The following ARMC8 variants were observed in gnomAD, a reference collection of about 807,000 sequenced individuals.
The protein encoded by ARMC8 is armadillo repeat containing 8, also known as armadillo repeat-containing protein 8.
A neutral mutation model predicts 99.3 loss-of-function variants in ARMC8; 20 were observed. The observed-to-expected ratio is 0.20, with a 90% CI of 0.14 to 0.29. The LOEUF (loss-of-function observed/expected upper bound fraction) is 0.29, where lower values mean the gene tolerates loss of function less well. Among genes scored for constraint, ARMC8 ranks in the 10% least tolerant of loss-of-function variants. The pLI is 1.00. For missense variants in ARMC8, 569 were observed against 809.5 expected (o/e 0.70, Z 3.60); for synonymous variants, 263 against 278.3 (o/e 0.95, Z 0.55).
At chr3:138,208,968 C>G (rs2044545457) in intron 1 of ARMC8, among the ~76,000 whole-genome samples, 1 of 152,146 alleles carries the variant, frequency 6.6e-6, no homozygotes, top group Non-Finnish European at 1.5e-5. Context: ...CACTCTAATT[C>G]TTAATTGTTT....
chr3:138,197,373 C>T (rs1007264915), intron 1 of ARMC8, among the ~76,000 whole-genome samples: 2 of 152,166 alleles, frequency 1.3e-5, no homozygotes, highest in Non-Finnish European at 2.9e-5. Context: ...ATCAGGAAGG[C>T]GCCTGGCCTG....
chr3:138,226,432 G>A (rs1476929123), intron 5 of ARMC8, among the ~76,000 whole-genome samples: 1 of 152,068 alleles, frequency 6.6e-6, no homozygotes. Flanking sequence ...TGTTAAACAG[G>A]GTTTGCTAGA....
chr3:138,192,950 C>T (rs1003873556), intron 1 of ARMC8, among the ~76,000 whole-genome samples: 1 of 152,010 alleles, frequency 6.6e-6, no homozygotes, highest in Non-Finnish European at 1.5e-5. Context: ...GTTTTAAAAG[C>T]TCTTTATAGG....
chr3:138,282,346 G>T (rs1052739531), intron 18 of ARMC8, among the ~76,000 whole-genome samples: 4 of 152,046 alleles, frequency 2.6e-5, no homozygotes, highest in African/African-American at 9.7e-5. Flanking sequence ...TGGAGAGGGA[G>T]AGAGAAAAGA....
intron 21 of ARMC8, among the ~76,000 whole-genome samples, chr3:138,294,530 C>A (rs1299966719): frequency 2.6e-5 from 4 of 152,176 alleles, no homozygotes; most frequent in Admixed American, 1.3e-4. Context: ...TCTTTAGAGT[C>A]TTATATAATT....
At chr3:138,244,012 A>G (rs1444184681) in intron 11 of ARMC8, among the ~76,000 whole-genome samples, 7 of 152,204 alleles carry the variant, frequency 4.6e-5, no homozygotes, top group Non-Finnish European at 1.0e-4. Context: ...AGTCATTGAA[A>G]GTATCCTGAA....
At chr3:138,245,388 G>C (rs1201964222) in intron 12 of ARMC8, 2 of 1,399,530 alleles carry the variant, frequency 1.4e-6, no homozygotes, top group Non-Finnish European at 1.9e-6. Flanking sequence ...GCATGGCCGT[G>C]CTGGAATGAC....
intron 10 of ARMC8, among the ~76,000 whole-genome samples, 177 bp from the exon 11 acceptor site, chr3:138,241,606 A>G (rs1427336389): frequency 6.6e-6 from 1 of 152,226 alleles, no homozygotes; most frequent in Non-Finnish European, 1.5e-5. Context: ...ATTAATGTGT[A>G]CTGAATTTTG....
intron 12 of ARMC8, among the ~76,000 whole-genome samples, chr3:138,254,372 G>A (rs2047279195): frequency 6.6e-6 from 1 of 152,180 alleles, no homozygotes. Context: ...TGAAAATTTA[G>A]CCAGCTAACC....
At chr3:138,187,651 G>T in intron 1 of ARMC8, 52 bp downstream of exon 1, 1 of 1,525,706 alleles carries the variant, frequency 6.6e-7, no homozygotes, top group Non-Finnish European at 8.8e-7. Context: ...CCTCATCCCG[G>T]TCTCCACCAT....
At chr3:138,191,467 A>G (rs908487975) in intron 1 of ARMC8, among the ~76,000 whole-genome samples, 6 of 152,250 alleles carry the variant, frequency 3.9e-5, no homozygotes, top group Non-Finnish European at 7.3e-5. Context: ...CATAGGTTAC[A>G]TCTTATATAG....
chr3:138,200,904 C>CTTTTTTTTTTT (rs34087212), intron 1 of ARMC8, among the ~76,000 whole-genome samples: 1 of 63,350 alleles, frequency 1.6e-5, no homozygotes, highest in Non-Finnish European at 2.9e-5. Flanking sequence ...CTTCAGTGGG[C>CTTTTTTTTTTT]TTTTTTTTTT....
chr3:138,203,966 C>G (rs1245812578), intron 1 of ARMC8, among the ~76,000 whole-genome samples: 3 of 152,224 alleles, frequency 2.0e-5, no homozygotes, highest in African/African-American at 7.2e-5. Flanking sequence ...CCCCTTATTG[C>G]TCTCTGGCAG....
chr3:138,253,935 A>C (rs981628568), intron 12 of ARMC8, among the ~76,000 whole-genome samples: 2 of 152,208 alleles, frequency 1.3e-5, no homozygotes, highest in African/African-American at 4.8e-5. Flanking sequence ...ACCTATTATG[A>C]ATGAGTCTGG....
intron 9 of ARMC8, chr3:138,238,143 C>G (rs1251164402): frequency 2.0e-5 from 3 of 151,822 alleles, no homozygotes; most frequent in Non-Finnish European, 4.4e-5. Flanking sequence ...TCTCGGCTCA[C>G]TGCAACCTCC....
In ARMC8 at chr3:138,298,079, G is replaced by A. The variant is rs931068143; in HGVS notation, c.*2187G>A. ...AGGGAAATGTATTTATTGAAACAAA[G>A]CTGTTTGCTGCTTTATGCAGGTGCA... On this transcript the variant is annotated 3_prime_UTR_variant, in exon 22 of 22. Coordinates refer to ENST00000469044, the MANE Select transcript of ARMC8 (RefSeq NM_001363941.2). 6.6e-6 allele frequency: 1 copy of A among 152,218 alleles called. No individual in the cohort carries two copies. The highest frequency in any genetic ancestry group is 2.4e-5 in the African/African-American group (1 of 41,458). The allele number at this position is 152,218 out of a possible 1,614,324, so 9.4% of individuals were successfully genotyped here.
At chr3:138,244,437 C>A (rs922097160) in intron 11 of ARMC8, among the ~76,000 whole-genome samples, 2 of 152,088 alleles carry the variant, frequency 1.3e-5, no homozygotes, top group African/African-American at 4.8e-5. Flanking sequence ...GCCACCACGC[C>A]CAGCTCATTT....
At chr3:138,231,788 GA>G (rs140569493) in intron 6 of ARMC8, among the ~76,000 whole-genome samples, 7,835 of 144,996 alleles carry the variant, frequency 0.054, 472 homozygotes, top group Admixed American at 0.21. Context: ...TCTGGGGGGG[GA>G]AAAAAAAAAG....
chr3:138,288,201 T>TG lies in ARMC8; in HGVS notation c.1822-846dup, dbSNP rs2050603355. Among the ~76,000 whole-genome samples the TG allele has an allele frequency of 2.0e-5, 3 of 152,316 alleles. No individual in the cohort carries two copies. In the South Asian group the frequency reaches 6.2e-4, roughly 32 times the overall value. Reference sequence around the variant, plus strand: ...AAGCCATTTATAGATTGTGTGTGTGTGAAAGTCTAGGTGTTACAGAACTTC... The same window carrying TG: ...AAGCCATTTATAGATTGTGTGTGTGTGGAAAGTCTAGGTGTTACAGAACTTC... On this transcript the variant is annotated intron_variant, in intron 19 of 21. Transcript: ENST00000469044.
Sources: gnomAD v4.1 joint callset for allele counts (sites outside exome capture counted in the v4.1 genomes callset) on GRCh38, gnomAD v4.1.1 for gene constraint, MANE v1.5 for transcripts, NCBI Gene and HGNC (gene_info 2026-07-23, HGNC 2026-07-21) for gene names.